Variants in MON1A observed in about 807,000 individuals in gnomAD.
The protein encoded by MON1A is MON1 vesicular trafficking associated A, also known as vacuolar fusion protein MON1 homolog A.
A neutral mutation model predicts 44.6 loss-of-function variants in MON1A; 29 were observed. That is an observed-to-expected ratio of 0.65 (90% CI 0.48 to 0.89). The LOEUF (loss-of-function observed/expected upper bound fraction) is 0.89. Ranked by LOEUF, MON1A falls within the 40% of genes least tolerant of loss-of-function variation. MON1A has a pLI of 0.00. For synonymous variants in MON1A, 275 were observed against 316.4 expected (o/e 0.87, Z 1.39); for missense variants, 615 against 759.6 (o/e 0.81, Z 2.24).
rs753262301 is a variant in MON1A, at chr3:49,910,867, A to G, written c.631T>C (p.Phe211Leu). The change falls in exon 4 of 6, where the codon TTC becomes CTC. Residue 211 changes from phenylalanine (F) to leucine (L), a missense_variant. Physicochemically the swap from Phe to Leu is conservative, Grantham distance 22. Coordinates refer to ENST00000296473, the MANE Select transcript of MON1A (RefSeq NM_032355.4). The surrounding 1 kb of genome is among the most constrained non-coding windows in gnomAD (Gnocchi z 8.0). Reference protein sequence around the residue: ...SIHADGYKVVFVRRSPLVLVA... With the variant: ...SIHADGYKVVLVRRSPLVLVA... ...AGCACCAGCGGGCTCCGGCGCACGA[A>G]TACTACCTTGTAGCCATCTGAGAGC... 1 of 1,610,032 alleles carries G rather than the reference A, an allele frequency of 6.2e-7. No individual in the cohort carries two copies. Among genetic ancestry groups the G allele is most frequent in the Non-Finnish European group, 8.5e-7 (1 of 1,177,064 alleles).
At chr3:49,927,250 C>G (rs2083059623) in intron 1 of MON1A, among the ~76,000 whole-genome samples, 1 of 152,094 alleles carries the variant, frequency 6.6e-6, no homozygotes, top group Non-Finnish European at 1.5e-5. Flanking sequence ...ACAATGGCTC[C>G]GAAGTTAGAG....
Position 49,911,689 on chromosome 3 carries a change from T to C in MON1A, c.450A>G (p.Ala150=). 1 of 1,614,142 alleles carries C rather than the reference T, an allele frequency of 6.2e-7. No individual in the cohort carries two copies. Among genetic ancestry groups the C allele is most frequent in the Non-Finnish European group, 8.5e-7 (1 of 1,180,022 alleles). Residue 150 remains alanine (A), a synonymous_variant, in exon 3 of 6, where the codon GCA becomes GCG. Transcript: ENST00000296473. The surrounding 1 kb of genome is among the most constrained non-coding windows in gnomAD (Gnocchi z 5.7). ...AGACATGCTTCTGGTGCAGGCGCCA[T>C]GCCTCCGTGGCATCCTCCTCATCCC... ...TEGDEEDATE[A]WRLHQKHVFV...
Position 49,909,574 on chromosome 3 carries a change from G to T in MON1A, c.1380-174C>A. On this transcript the variant is annotated intron_variant, in intron 4 of 5. Transcript: ENST00000296473. The surrounding 1 kb of genome is among the most constrained non-coding windows in gnomAD (Gnocchi z 4.0). ...ACCATAGCAGGCACCCCAGGACAGG[G>T]CTGGGCCCACTGAGACTAGAGCTAT... 1 of 799,900 alleles carries T rather than the reference G, an allele frequency of 1.3e-6. No individual in the cohort carries two copies. Among genetic ancestry groups the T allele is most frequent in the Non-Finnish European group, 1.9e-6 (1 of 518,040 alleles). The allele number at this position is 799,900 out of a possible 1,614,324, so 49.6% of individuals were successfully genotyped here.
Position 49,910,752 on chromosome 3 carries a change from C to A in MON1A, c.746G>T (p.Gly249Val). 1 of 1,614,136 alleles carries A rather than the reference C, an allele frequency of 6.2e-7. No individual in the cohort carries two copies. Among genetic ancestry groups the A allele is most frequent in the Non-Finnish European group, 8.5e-7 (1 of 1,180,014 alleles). The stretch of plus-strand genomic sequence containing the variant: ...CTGGAAGATGTGGCTCAGCTGCGCA[C>A]CGGTAAGAAGGCTTAGGATCTGGTA... ...IYYQILSLLT[G>V]AQLSHIFQQK... The change falls in exon 4 of 6, where the codon GGT becomes GTT. Residue 249 changes from glycine to valine, a missense_variant. Physicochemically the swap from Gly to Val is moderately radical, Grantham distance 109. Transcript: ENST00000296473. This position sits in a 1 kb window ranked among gnomAD's most constrained non-coding sequence, Gnocchi z 8.0.
At position 49,910,273 on chromosome 3, in the gene MON1A, A is replaced by T; in HGVS notation, c.1225T>A (p.Cys409Ser). Residue 409 changes from cysteine to serine, a missense_variant, in exon 4 of 6, where the codon TGC becomes AGC. Coordinates refer to ENST00000296473, the MANE Select transcript of MON1A (RefSeq NM_032355.4). The surrounding 1 kb of genome is among the most constrained non-coding windows in gnomAD (Gnocchi z 8.0). ...DREDFFAVSD[C>S]RRRFQERLRK... The stretch of plus-strand genomic sequence containing the variant: ...AGGCGCTCCTGGAAGCGGCGGCGGC[A>T]GTCAGAGACTGCAAAGAAGTCCTCA... 6.2e-7 allele frequency: 1 copy of T among 1,614,100 alleles called. No homozygotes were observed. The highest frequency in any genetic ancestry group is 1.3e-5 in the African/African-American group (1 of 75,080).
chr3:49,914,920 A>G (rs1323526158), intron 1 of MON1A, among the ~76,000 whole-genome samples: 5 of 152,132 alleles, frequency 3.3e-5, no homozygotes, highest in Non-Finnish European at 7.3e-5. Flanking sequence ...GGCTCAAGCA[A>G]TCCTCCCACT....
chr3:49,917,277 CTTTT>C (rs2082953443), intron 1 of MON1A, among the ~76,000 whole-genome samples: 1 of 151,414 alleles, frequency 6.6e-6, no homozygotes, highest in Non-Finnish European at 1.5e-5. Flanking sequence ...CCCTACATTT[CTTTT>C]CTTTTCTTTT....
intron 1 of MON1A, among the ~76,000 whole-genome samples, chr3:49,918,600 C>T (rs985049196): frequency 6.6e-5 from 10 of 151,776 alleles, no homozygotes; most frequent in African/African-American, 1.5e-4. Context: ...TTAGTAGAGA[C>T]GGGGTTTTAC....
intron 1 of MON1A, among the ~76,000 whole-genome samples, chr3:49,927,918 A>C (rs935557421): frequency 3.3e-5 from 5 of 151,970 alleles, no homozygotes; most frequent in African/African-American, 4.8e-5. Context: ...AAAACAACAA[A>C]AAAAAACAAA....
At chr3:49,916,297 G>A (rs2082942906) in intron 1 of MON1A, 1 of 152,230 alleles carries the variant, frequency 6.6e-6, no homozygotes, top group East Asian at 1.9e-4. Context: ...GCATCAGCCA[G>A]TCTGTGTCCA....
rs772079709 is a variant in MON1A at position 49,909,223 on chromosome 3, A to G, written c.1527+30T>C. On this transcript the variant is annotated intron_variant, in intron 5 of 5. Transcript: ENST00000296473. The surrounding 1 kb of genome is among the most constrained non-coding windows in gnomAD (Gnocchi z 4.0). ...CATGGCCCATACCTAGGACCTCCAT[A>G]AAGCCCAGCCCATCCCAGGGCTGCC... is the stretch of plus-strand genomic sequence containing the variant. 1.2e-6 allele frequency: 2 copies of G among 1,613,532 alleles called. No homozygotes were observed. The highest frequency in any genetic ancestry group is 1.7e-6 in the Non-Finnish European group (2 of 1,179,794).
intron 1 of MON1A, among the ~76,000 whole-genome samples, chr3:49,927,541 C>T (rs1207734886): frequency 1.3e-5 from 2 of 152,100 alleles, no homozygotes; most frequent in African/African-American, 2.4e-5. Flanking sequence ...ACGCTTCTGA[C>T]CTTGCAAAGC....
At position 49,911,471 on chromosome 3, in the gene MON1A, T is replaced by TATGA. The variant is rs2082884919; in HGVS notation, c.613+51_613+54dup. Reference sequence around the variant, plus strand: ...TGGTCTGCAGGGGTCCAAAACCTGCTATGAATGAACCTTGGCCAGGGGAGC... The same window carrying TATGA: ...TGGTCTGCAGGGGTCCAAAACCTGCTATGAATGAATGAACCTTGGCCAGGGGAGC... On this transcript the variant is annotated intron_variant, in intron 3 of 5. Transcript: ENST00000296473. This position sits in a 1 kb window ranked among gnomAD's most constrained non-coding sequence, Gnocchi z 5.7. 1.9e-6 allele frequency: 3 copies of TATGA among 1,552,546 alleles called. No individual in the cohort carries two copies. The highest frequency in any genetic ancestry group is 1.9e-5 in the Admixed American group (1 of 53,032).
At position 49,929,799 on chromosome 3, in the gene MON1A, G is replaced by T. The variant is rs1037637748; in HGVS notation, c.-204C>A. 6.5e-7 allele frequency: 1 copy of T among 1,547,646 alleles called. No individual in the cohort carries two copies. ...CTCCCACCGCCCTCACCCGGCCGCCGGTGCAGGAAGATAGCTTTCGCCGGC... is the reference window on the plus strand; with the variant it reads ...CTCCCACCGCCCTCACCCGGCCGCCTGTGCAGGAAGATAGCTTTCGCCGGC... On this transcript the variant is annotated 5_prime_UTR_variant, in exon 1 of 6. Coordinates refer to ENST00000296473, the MANE Select transcript of MON1A (RefSeq NM_032355.4).
Position 49,909,290 on chromosome 3 carries a change from A to G in MON1A, c.1490T>C (p.Ile497Thr). The G allele has an allele frequency of 6.2e-7, 1 of 1,613,912 alleles. No homozygotes were observed. Among genetic ancestry groups the G allele is most frequent in the Non-Finnish European group, 8.5e-7 (1 of 1,179,978 alleles). The change falls in exon 5 of 6, where the codon ATT becomes ACT. Residue 497 changes from isoleucine to threonine, a missense_variant. By Grantham distance (89) the Ile-to-Thr change is moderately conservative. Transcript: ENST00000296473. The surrounding 1 kb of genome is among the most constrained non-coding windows in gnomAD (Gnocchi z 4.0). ...AHNASRPLKT[I>T]YYTGPNENLL... The stretch of plus-strand genomic sequence containing the variant: ...GTTCTCGTTGGGGCCCGTGTAGTAA[A>G]TGGTCTTGAGTGGGCGAGAGGCATT...
intron 1 of MON1A, among the ~76,000 whole-genome samples, chr3:49,922,933 A>C (rs1044869474): frequency 6.6e-6 from 1 of 151,400 alleles, no homozygotes; most frequent in African/African-American, 2.4e-5. Flanking sequence ...CTGGTCTCAA[A>C]CCCCTGACCT....
At chr3:49,926,617 T>A (rs755241676) in intron 1 of MON1A, among the ~76,000 whole-genome samples, 1 of 151,868 alleles carries the variant, frequency 6.6e-6, no homozygotes, top group Non-Finnish European at 1.5e-5. Context: ...CCACCACGCC[T>A]GGCTAATTTT....
chr3:49,923,484 T>TTTA, intron 1 of MON1A, among the ~76,000 whole-genome samples: 1 of 147,366 alleles, frequency 6.8e-6, no homozygotes, highest in African/African-American at 2.5e-5. Flanking sequence ...TTTTTTTTTT[T>TTTA]GAGACAGTCT....
chr3:49,924,268 T>C (rs1298474422), intron 1 of MON1A, among the ~76,000 whole-genome samples: 1 of 152,194 alleles, frequency 6.6e-6, no homozygotes, highest in Non-Finnish European at 1.5e-5. Context: ...ATATCCAGCT[T>C]GGTTGTCAGC....
Sources: allele counts gnomAD v4.1 joint callset (sites outside exome capture counted in the v4.1 genomes callset), GRCh38; gene constraint gnomAD v4.1.1; non-coding constraint Gnocchi (gnomAD v3.1); transcripts MANE v1.5; gene names NCBI Gene and HGNC (gene_info 2026-07-23, HGNC 2026-07-21).